GLRA1: variants seen among roughly 807,000 people sequenced by gnomAD.
GLRA1 encodes glycine receptor alpha 1.
GLRA1 carries 37 observed loss-of-function variants against 48.3 expected under a neutral mutation model. That is an observed-to-expected ratio of 0.77 (90% CI 0.59 to 1.01). The LOEUF (loss-of-function observed/expected upper bound fraction) is 1.01, where lower values mean the gene tolerates loss of function less well. GLRA1 is among the 50% of genes least tolerant of loss of function. The pLI is 0.00. For missense variants in GLRA1, 427 were observed against 571.0 expected, an observed-to-expected ratio of 0.75 and a Z score of 2.57; for synonymous variants, 196 against 210.7, an observed-to-expected ratio of 0.93 and a Z score of 0.60.
chr5:151,899,107 G>T (rs553429097), intron 1 of GLRA1, among the ~76,000 whole-genome samples: 1 of 152,312 alleles, frequency 6.6e-6, no homozygotes, highest in South Asian at 2.1e-4. Flanking sequence ...GCTCTGTCTT[G>T]TTCAGTGCCT....
In GLRA1 at chr5:151,871,534, A is replaced by G. The variant is rs199777550; in HGVS notation, c.253-11526T>C. On this transcript the variant is annotated intron_variant, in intron 3 of 8. Coordinates refer to ENST00000274576, the MANE Select transcript of GLRA1 (RefSeq NM_000171.4). Reference sequence around the variant, plus strand: ...CAAATTAATCTTTAAACTTAATGCAATCCTAATCAAAACCTGAGAGGCTTT... The same window carrying G: ...CAAATTAATCTTTAAACTTAATGCAGTCCTAATCAAAACCTGAGAGGCTTT... Among the ~76,000 whole-genome samples the G allele has an allele frequency of 5.4e-5, 8 of 149,518 alleles. No individual in the cohort carries two copies. In the East Asian group the frequency reaches 1.5e-3, roughly 29 times the overall value.
chr5:151,879,098 G>A (rs939379545), intron 3 of GLRA1, among the ~76,000 whole-genome samples: 2 of 152,208 alleles, frequency 1.3e-5, no homozygotes, highest in African/African-American at 2.4e-5. Flanking sequence ...AAAGCCACAG[G>A]GGCATAGCTG....
intron 3 of GLRA1, among the ~76,000 whole-genome samples, chr5:151,865,685 A>T (rs893250835): frequency 2.0e-5 from 3 of 152,226 alleles, no homozygotes; most frequent in Admixed American, 6.5e-5. Flanking sequence ...GACGTACATC[A>T]TCTAAAAGAA....
chr5:151,856,433 G>A, intron 4 of GLRA1, 50 bp from the exon 5 acceptor site: 1 of 1,186,218 alleles, frequency 8.4e-7, no homozygotes, highest in Non-Finnish European at 1.3e-6. Context: ...CATCAGGGAG[G>A]CTGTGCCTCT....
intron 1 of GLRA1, among the ~76,000 whole-genome samples, chr5:151,901,048 T>C (rs945085446): frequency 5.9e-5 from 9 of 152,202 alleles, no homozygotes; most frequent in African/African-American, 2.2e-4. Flanking sequence ...TCTGATACTC[T>C]TAGTCAGCCC....
chr5:151,911,600 GTTTTTT>G (rs768033241), intron 1 of GLRA1, among the ~76,000 whole-genome samples: 1 of 92,342 alleles, frequency 1.1e-5, no homozygotes, highest in African/African-American at 4.4e-5. Flanking sequence ...CCAAGCTAGA[GTTTTTT>G]TTTTTTTTTT....
In GLRA1 at chr5:151,900,286, T is replaced by G. The variant is rs1240947920; in HGVS notation, c.57-7848A>C. ...ATTTTGTGCCTCACCTGCTTCACTCTAGTCCTGGCCCTGCTACAACATCCT... is the reference window on the plus strand; with the variant it reads ...ATTTTGTGCCTCACCTGCTTCACTCGAGTCCTGGCCCTGCTACAACATCCT... On this transcript the variant is annotated intron_variant, in intron 1 of 8. Coordinates refer to ENST00000274576, the MANE Select transcript of GLRA1 (RefSeq NM_000171.4). Among the ~76,000 whole-genome samples, 10 of 152,194 alleles carry G rather than the reference T, an allele frequency of 6.6e-5. 1 individual carries two copies. The highest frequency in any genetic ancestry group is 6.5e-4 in the Admixed American group (10 of 15,280).
Position 151,841,921 on chromosome 5 carries a change from G to A in GLRA1, c.912+9469C>T, listed in dbSNP as rs182367794. ...AAAATACAAAAATTAGCTGAGCGTG[G>A]TGGCGTGTGCCTGTAATCCCAGCTA... On this transcript the variant is annotated intron_variant, in intron 7 of 8. Coordinates refer to ENST00000274576, the MANE Select transcript of GLRA1 (RefSeq NM_000171.4). 3.0e-4 allele frequency among the ~76,000 whole-genome samples: 45 copies of A among 152,260 alleles called. No individual in the cohort carries two copies. The East Asian group carries it at 8.1e-3, about 27-fold the overall frequency.
chr5:151,892,378 C>T lies in GLRA1; in HGVS notation c.117G>A (p.Ser39=), dbSNP rs149023945. The T allele has an allele frequency of 5.3e-5, 85 of 1,613,830 alleles. No individual in the cohort carries two copies. The highest frequency in any genetic ancestry group is 4.4e-4 in the South Asian group (40 of 91,084). The change falls in exon 2 of 9, where the codon TCG becomes TCA. Residue 39 remains serine (S), a synonymous_variant. Transcript: ENST00000274576. ...TCCCCATTAGCTTATCCAGGAAATC[C>T]GAGGGTGACATAGGCTTGGGTGCGG... The part of the protein sequence containing the change: ...ARSAPKPMSP[S]DFLDKLMGRT...
intron 4 of GLRA1, among the ~76,000 whole-genome samples, chr5:151,857,198 C>T (rs1753070871): frequency 6.6e-6 from 1 of 152,250 alleles, no homozygotes; most frequent in African/African-American, 2.4e-5. Context: ...ACAAAGCCCC[C>T]GATGGCTGCT....
intron 1 of GLRA1, among the ~76,000 whole-genome samples, chr5:151,921,157 C>G (rs1754863831): frequency 6.6e-6 from 1 of 152,170 alleles, no homozygotes; most frequent in South Asian, 2.1e-4. Context: ...TTTGGGAAAA[C>G]CACCCAGGGA....
chr5:151,914,712 A>G lies in GLRA1; in HGVS notation c.56+9782T>C, dbSNP rs2162773. Among the ~76,000 whole-genome samples the G allele has an allele frequency of 6.4e-3, 979 of 152,316 alleles. 18 individuals carry two copies. The highest frequency in any genetic ancestry group is 0.021 in the African/African-American group (891 of 41,558). On this transcript the variant is annotated intron_variant, in intron 1 of 8. Coordinates refer to ENST00000274576, the MANE Select transcript of GLRA1 (RefSeq NM_000171.4). ...GAGAAAGGACGTTCAGTGGCTGACCATCTCTACCCCTTGTCAGAGCTCTAA... is the reference window on the plus strand; with the variant it reads ...GAGAAAGGACGTTCAGTGGCTGACCGTCTCTACCCCTTGTCAGAGCTCTAA...
In GLRA1 at chr5:151,922,991, T is replaced by C. The variant is rs535123359; in HGVS notation, c.56+1503A>G. Reference sequence around the variant, plus strand: ...AATATGCAGGGGATAAAGGATCTCATATTATAAATAGAATACTTCCTGCCC... The same window carrying C: ...AATATGCAGGGGATAAAGGATCTCACATTATAAATAGAATACTTCCTGCCC... On this transcript the variant is annotated intron_variant, in intron 1 of 8. Transcript: ENST00000274576. 5.3e-5 allele frequency among the ~76,000 whole-genome samples: 8 copies of C among 152,350 alleles called. No individual in the cohort carries two copies. In the East Asian group the frequency reaches 1.4e-3, roughly 26 times the overall value.
chr5:151,847,469 C>A (rs1455508103), intron 7 of GLRA1, among the ~76,000 whole-genome samples: 1 of 152,064 alleles, frequency 6.6e-6, no homozygotes, highest in Non-Finnish European at 1.5e-5. Context: ...TTAAGTAATC[C>A]CAGCACTTTG....
chr5:151,888,945 G>A (rs1159300675), intron 2 of GLRA1, among the ~76,000 whole-genome samples: 1 of 152,200 alleles, frequency 6.6e-6, no homozygotes, highest in Non-Finnish European at 1.5e-5. Flanking sequence ...GAAAAAACTT[G>A]AATGGTCAGG....
intron 3 of GLRA1, among the ~76,000 whole-genome samples, chr5:151,868,769 T>C (rs573900462): frequency 2.6e-5 from 4 of 152,216 alleles, no homozygotes; most frequent in Admixed American, 6.5e-5. Flanking sequence ...GCTTTATTTC[T>C]GCCTCGAGCC....
intron 7 of GLRA1, among the ~76,000 whole-genome samples, chr5:151,847,893 A>G (rs888914138): frequency 2.0e-4 from 30 of 152,322 alleles, no homozygotes; most frequent in African/African-American, 7.0e-4. Context: ...ATGGAACAGA[A>G]TGTTGTGTCT....
chr5:151,835,376 C>T (rs1372107108), intron 7 of GLRA1, among the ~76,000 whole-genome samples: 1 of 152,158 alleles, frequency 6.6e-6, no homozygotes, highest in Non-Finnish European at 1.5e-5. Flanking sequence ...CATTCTGAAA[C>T]TATTCCAAAC....
chr5:151,885,283 A>G (rs1294131736), intron 3 of GLRA1, among the ~76,000 whole-genome samples: 1 of 152,244 alleles, frequency 6.6e-6, no homozygotes, highest in Non-Finnish European at 1.5e-5. Flanking sequence ...TCACTGTGCT[A>G]GCTGCTGGGG....
Sources: gnomAD v4.1 joint callset for allele counts (sites outside exome capture counted in the v4.1 genomes callset) on GRCh38, gnomAD v4.1.1 for gene constraint, MANE v1.5 for transcripts, NCBI Gene and HGNC (gene_info 2026-07-23, HGNC 2026-07-21) for gene names.